The following ITPR1 variants were observed in gnomAD, a reference collection of about 807,000 sequenced individuals.
ITPR1 encodes the protein inositol 1,4,5-trisphosphate-gated calcium channel ITPR1.
A neutral mutation model predicts 318.4 loss-of-function variants in ITPR1; 96 were observed. The observed-to-expected ratio is 0.30, with a 90% CI of 0.26 to 0.36. The LOEUF (loss-of-function observed/expected upper bound fraction) is 0.36. Ranked by LOEUF, ITPR1 falls within the 10% of genes least tolerant of loss-of-function variation. ITPR1 has a pLI of 1.00. For synonymous variants in ITPR1, 1,312 were observed against 1,289.9 expected (o/e 1.02, Z -0.37); for missense variants, 2,440 against 3,460.2 (o/e 0.71, Z 7.40).
intron 5 of ITPR1, among the ~76,000 whole-genome samples, chr3:4,636,620 C>T (rs62231568): frequency 0.088 from 13,443 of 152,088 alleles, 853 homozygotes; most frequent in African/African-American, 0.17. Flanking sequence ...GTAGAGACAG[C>T]GTTTCACCAT....
chr3:4,710,826 T>C lies in ITPR1; in HGVS notation c.4991+353T>C, dbSNP rs991210495. ...TCTCAGATCTATCGTGACCTCACCA[T>C]CTTTTCCTAATAATTTTGTAATTTC... On this transcript the variant is annotated intron_variant, in intron 38 of 61. Transcript: ENST00000649015. This position sits in a 1 kb window ranked among gnomAD's most constrained non-coding sequence, Gnocchi z 4.2. 6.6e-6 allele frequency among the ~76,000 whole-genome samples: 1 copy of C among 152,204 alleles called. No homozygotes were observed. Among genetic ancestry groups the C allele is most frequent in the Non-Finnish European group, 1.5e-5 (1 of 68,038 alleles).
rs150815444 is a variant in ITPR1, at chr3:4,787,692, C to A, written c.6616-255C>A. On this transcript the variant is annotated intron_variant, in intron 51 of 61. Coordinates refer to ENST00000649015, the MANE Select transcript of ITPR1 (RefSeq NM_001378452.1). ...TGTCCTGGGTGACAGAGCAAGACTC[C>A]TGACTCTGTCTCAAAAAAATAAAAA... 2.2e-4 allele frequency among the ~76,000 whole-genome samples: 34 copies of A among 152,038 alleles called. No homozygotes were observed. The East Asian group carries it at 6.6e-3, about 29-fold the overall frequency.
At chr3:4,773,655 C>T (rs2046320115) in intron 46 of ITPR1, among the ~76,000 whole-genome samples, 1 of 152,154 alleles carries the variant, frequency 6.6e-6, no homozygotes, top group African/African-American at 2.4e-5. Context: ...CAGAGTTGTC[C>T]CAAACACTCC....
intron 56 of ITPR1, chr3:4,812,931 G>C (rs1470564729): frequency 1.7e-6 from 1 of 575,934 alleles, no homozygotes; most frequent in Non-Finnish European, 3.1e-6. Context: ...GATATTTCTA[G>C]TAAGCCTACA....
chr3:4,690,138 A>T (rs944428512), intron 31 of ITPR1, among the ~76,000 whole-genome samples: 4 of 152,198 alleles, frequency 2.6e-5, no homozygotes, highest in Non-Finnish European at 5.9e-5. Flanking sequence ...TTAGTTGGGT[A>T]TGATGGTGAG....
chr3:4,528,092 C>T (rs2083127253), intron 4 of ITPR1, among the ~76,000 whole-genome samples: 1 of 152,064 alleles, frequency 6.6e-6, no homozygotes. Context: ...AAAGAGCAAC[C>T]TCTGGATGCC....
chr3:4,498,268 G>A (rs950291098), intron 2 of ITPR1, among the ~76,000 whole-genome samples: 9 of 152,296 alleles, frequency 5.9e-5, no homozygotes, highest in African/African-American at 1.9e-4. Context: ...ACTCAGGTGG[G>A]GATTAGATCT....
rs762758498 is a variant in ITPR1 at position 4,775,252 on chromosome 3, G to A, written c.5990G>A (p.Arg1997His). The A allele has an allele frequency of 8.1e-6, 13 of 1,613,662 alleles. No homozygotes were observed. Among genetic ancestry groups the A allele is most frequent in the Middle Eastern group, 1.6e-4 (1 of 6,084 alleles). ...NHNRDLQNFL[R>H]CQNNKTNYNL... ...ACTACCCAATTGCAGAACTTCCTCC[G>A]TTGCCAAAATAACAAGACCAACTAC... Residue 1997 changes from arginine to histidine, a missense_variant, in exon 47 of 62, where the codon CGT becomes CAT. Coordinates refer to ENST00000649015, the MANE Select transcript of ITPR1 (RefSeq NM_001378452.1).
intron 40 of ITPR1, among the ~76,000 whole-genome samples, chr3:4,725,085 CA>C (rs1316039492): frequency 6.6e-6 from 1 of 151,984 alleles, no homozygotes; most frequent in East Asian, 1.9e-4. Flanking sequence ...AGCCTAAACC[CA>C]CAGGAGACAT....
rs2047004675 is a variant in ITPR1 at position 4,784,044 on chromosome 3, T to C, written c.6615+124T>C. 3 of 694,746 alleles carry C rather than the reference T, an allele frequency of 4.3e-6. No individual in the cohort carries two copies. In the Admixed American group the frequency reaches 7.8e-5, roughly 18 times the overall value. 43.0% of individuals were successfully genotyped at this position (694,746 alleles called of 1,614,324 possible). A position where few individuals can be genotyped will look rare whatever the true frequency, so the allele number is the denominator to read the frequency against. On this transcript the variant is annotated intron_variant, in intron 51 of 61. Coordinates refer to ENST00000649015, the MANE Select transcript of ITPR1 (RefSeq NM_001378452.1). ...GGAAATGTGAGTGTGTACTGTGTGC[T>C]AGGTCCTGGGCTGGGTGCTGGACAT...
chr3:4,625,219 C>CTT (rs200304497), intron 4 of ITPR1, among the ~76,000 whole-genome samples: 28 of 134,182 alleles, frequency 2.1e-4, no homozygotes, highest in Admixed American at 3.7e-4. Flanking sequence ...ATTAAGTGAT[C>CTT]TTTTTTTTTT....
At chr3:4,616,976 C>G (rs1481386928) in intron 4 of ITPR1, among the ~76,000 whole-genome samples, 1 of 151,898 alleles carries the variant, frequency 6.6e-6, no homozygotes, top group Non-Finnish European at 1.5e-5. Context: ...TCTCATCACT[C>G]TCTTCCCTAC....
intron 23 of ITPR1, among the ~76,000 whole-genome samples, chr3:4,676,189 A>G (rs1375533177): frequency 6.6e-6 from 1 of 151,744 alleles, no homozygotes; most frequent in Admixed American, 6.6e-5. Flanking sequence ...CAAAAAAAAA[A>G]AAAAAATTAG....
At chr3:4,686,259 T>C (rs1299387951) in intron 30 of ITPR1, among the ~76,000 whole-genome samples, 3 of 152,176 alleles carry the variant, frequency 2.0e-5, no homozygotes, top group African/African-American at 7.2e-5. Context: ...TCCAGGAAAT[T>C]TCCTATGAAA....
intron 59 of ITPR1, among the ~76,000 whole-genome samples, chr3:4,817,832 G>C (rs1455933713): frequency 6.6e-6 from 1 of 152,182 alleles, no homozygotes; most frequent in African/African-American, 2.4e-5. Flanking sequence ...GGCCACTAAG[G>C]CATGTGGAGA....
intron 54 of ITPR1, 116 bp downstream of exon 54, chr3:4,800,716 G>A (rs2048172295): frequency 4.5e-6 from 5 of 1,101,986 alleles, no homozygotes; most frequent in African/African-American, 3.1e-5. Flanking sequence ...ATTGTTTGGG[G>A]CAACTGTTTA....
Position 4,676,785 on chromosome 3 carries a change from T to C in ITPR1, c.2951T>C (p.Ile984Thr). The change falls in exon 24 of 62, where the codon ATC becomes ACC. Residue 984 changes from isoleucine to threonine, a missense_variant. Transcript: ENST00000649015. The stretch of plus-strand genomic sequence containing the variant: ...ATGGTCATGGACACCAAGCTGAAGA[T>C]CATTGAGATACTCCAGGTATCCACT... ...DIMVMDTKLK[I>T]IEILQFILNV... 6.2e-7 allele frequency: 1 copy of C among 1,613,030 alleles called. No individual in the cohort carries two copies. Among genetic ancestry groups the C allele is most frequent in the Non-Finnish European group, 8.5e-7 (1 of 1,179,562 alleles).
chr3:4,584,204 G>A (rs1433912500), intron 4 of ITPR1, among the ~76,000 whole-genome samples: 1 of 152,044 alleles, frequency 6.6e-6, no homozygotes, highest in African/African-American at 2.4e-5. Context: ...TTCTTCTCAT[G>A]TTCATTATGT....
At chr3:4,734,805 G>A (rs886756833) in intron 43 of ITPR1, among the ~76,000 whole-genome samples, 1 of 152,242 alleles carries the variant, frequency 6.6e-6, no homozygotes, top group African/African-American at 2.4e-5. Context: ...AGAAGTGTTT[G>A]ACTTTGGTTT....
Sources: allele counts gnomAD v4.1 joint callset (sites outside exome capture counted in the v4.1 genomes callset), GRCh38; gene constraint gnomAD v4.1.1; non-coding constraint Gnocchi (gnomAD v3.1); transcripts MANE v1.5; gene names NCBI Gene and HGNC (gene_info 2026-07-23, HGNC 2026-07-21).